The following FAXC variants were observed in gnomAD, a reference collection of about 807,000 sequenced individuals.
The protein encoded by FAXC is failed axon connections homolog, metaxin like GST domain containing, also known as failed axon connections homolog.
A neutral mutation model predicts 41.9 loss-of-function variants in FAXC; 10 were observed. The ratio of observed to expected loss-of-function variants is 0.24; its 90% CI spans 0.15 to 0.41. The LOEUF (loss-of-function observed/expected upper bound fraction) is 0.41. Among genes scored for constraint, FAXC ranks in the 10% least tolerant of loss-of-function variants. FAXC has a pLI of 1.00. For missense variants in FAXC, 399 were observed against 510.9 expected (o/e 0.78, Z 2.11); for synonymous variants, 183 against 183.8 (o/e 1.00, Z 0.03).
In FAXC at chr6:99,323,772, C is replaced by A. The variant is rs575051669; in HGVS notation, c.600-105G>T. 34 of 801,696 alleles carry A rather than the reference C, an allele frequency of 4.2e-5. No individual in the cohort carries two copies. The East Asian group carries it at 8.7e-4, about 21-fold the overall frequency. 49.7% of individuals were successfully genotyped at this position (801,696 alleles called of 1,614,324 possible). On this transcript the variant is annotated intron_variant, in intron 3 of 5. Coordinates refer to ENST00000389677, the MANE Select transcript of FAXC (RefSeq NM_032511.4). ...CAGAATTTACTACACTCTGGAGGAA[C>A]TGAATAACTGCAGCTTTAATAAAGA...
intron 3 of FAXC, among the ~76,000 whole-genome samples, chr6:99,327,043 T>C (rs926329992): frequency 1.3e-5 from 2 of 152,148 alleles, no homozygotes; most frequent in African/African-American, 4.8e-5. Flanking sequence ...ACTGGCTTGA[T>C]TCAGAATTTC....
intron 3 of FAXC, among the ~76,000 whole-genome samples, chr6:99,327,071 C>A (rs1772839224): frequency 6.6e-6 from 1 of 152,186 alleles, no homozygotes; most frequent in Non-Finnish European, 1.5e-5. Context: ...GAAGTAACCT[C>A]AGAAACTGTT....
Position 99,281,405 on chromosome 6 carries a change from A to C in FAXC, c.989T>G (p.Phe330Cys), listed in dbSNP as rs1770832468. Residue 330 changes from phenylalanine to cysteine, a missense_variant, in exon 6 of 6, where the codon TTT (phenylalanine) becomes TGT (cysteine). Around this residue, in one of 3 missense-constraint regions of FAXC, gnomAD observed 239 missense variants for 352.7 expected, o/e 0.68. Transcript: ENST00000389677. ...ATCATCGTGGTGCCACTCTGGCCAAAATTTCCTCCTTATCCTCTCACAGTA... is the reference window on the plus strand; with the variant it reads ...ATCATCGTGGTGCCACTCTGGCCAACATTTCCTCCTTATCCTCTCACAGTA... ...AMYCERIRRK[F>C]WPEWHHDDDN... 1 of 1,613,950 alleles carries C rather than the reference A, an allele frequency of 6.2e-7. No homozygotes were observed. Among genetic ancestry groups the C allele is most frequent in the African/African-American group, 1.3e-5 (1 of 74,886 alleles).
intron 2 of FAXC, among the ~76,000 whole-genome samples, chr6:99,337,634 T>C (rs570707039): frequency 6.6e-5 from 10 of 152,364 alleles, no homozygotes; most frequent in Non-Finnish European, 1.5e-4. Flanking sequence ...TTTGTGTTTT[T>C]TAAAAAATTA....
intron 2 of FAXC, among the ~76,000 whole-genome samples, chr6:99,338,759 T>C (rs892491239): frequency 1.3e-5 from 2 of 152,188 alleles, no homozygotes; most frequent in African/African-American, 4.8e-5. Context: ...ATCTTTCAAA[T>C]ATGAGCCAAT....
intron 3 of FAXC, among the ~76,000 whole-genome samples, chr6:99,331,339 T>A (rs1773016968): frequency 6.6e-6 from 1 of 152,082 alleles, no homozygotes; most frequent in Non-Finnish European, 1.5e-5. Context: ...AAAATTAAGA[T>A]CTTTTCCCAC....
At chr6:99,317,946 G>A (rs1168370095) in intron 4 of FAXC, among the ~76,000 whole-genome samples, 1 of 129,936 alleles carries the variant, frequency 7.7e-6, no homozygotes, top group African/African-American at 2.6e-5. Flanking sequence ...ACAGCACACA[G>A]AATCACATGG....
intron 4 of FAXC, among the ~76,000 whole-genome samples, chr6:99,321,359 G>A (rs1772581200): frequency 6.6e-6 from 1 of 152,084 alleles, no homozygotes; most frequent in Non-Finnish European, 1.5e-5. Flanking sequence ...TAGGCATCTG[G>A]GCATCAAAAA....
At chr6:99,314,016 G>A (rs1772242803) in intron 4 of FAXC, among the ~76,000 whole-genome samples, 1 of 152,028 alleles carries the variant, frequency 6.6e-6, no homozygotes, top group Non-Finnish European at 1.5e-5. Flanking sequence ...CAGAAATGAG[G>A]TTTTGCTATG....
chr6:99,329,939 C>T (rs544590290), intron 3 of FAXC, among the ~76,000 whole-genome samples: 1 of 151,592 alleles, frequency 6.6e-6, no homozygotes, highest in South Asian at 2.1e-4. Context: ...CACTCTGTCG[C>T]CCAGGATGTA....
chr6:99,282,348 T>G (rs1429469246), intron 5 of FAXC, among the ~76,000 whole-genome samples: 1 of 152,154 alleles, frequency 6.6e-6, no homozygotes, highest in African/African-American at 2.4e-5. Context: ...AAAGTTATGT[T>G]AGGACATAAA....
At position 99,290,060 on chromosome 6, in the gene FAXC, A is replaced by G. The variant is rs187551998; in HGVS notation, c.940+1644T>C. Reference sequence around the variant, plus strand: ...TTGAACAATCATAAGTCAAACAATGATAAGTCAGGAACCATCTGTATATCC... The same window carrying G: ...TTGAACAATCATAAGTCAAACAATGGTAAGTCAGGAACCATCTGTATATCC... On this transcript the variant is annotated intron_variant, in intron 5 of 5. Coordinates refer to ENST00000389677, the MANE Select transcript of FAXC (RefSeq NM_032511.4). Among the ~76,000 whole-genome samples the G allele has an allele frequency of 2.1e-3, 315 of 151,542 alleles. 5 individuals are homozygous for G. Among genetic ancestry groups the G allele is most frequent in the Admixed American group, 0.019 (289 of 15,184 alleles).
At chr6:99,343,116 G>A in intron 1 of FAXC, 83 bp from the exon 2 acceptor site, 1 of 1,245,350 alleles carries the variant, frequency 8.0e-7, no homozygotes, top group Non-Finnish European at 1.1e-6. Flanking sequence ...GACCCTGCAG[G>A]GTTGTAGCTC....
At chr6:99,289,717 GTGTA>G (rs1313883794) in intron 5 of FAXC, among the ~76,000 whole-genome samples, 130 of 124,978 alleles carry the variant, frequency 1.0e-3, no homozygotes, top group East Asian at 1.6e-3. Context: ...GTGTGTGTGT[GTGTA>G]TATATATATA....
chr6:99,338,529 G>C (rs1484798745), intron 2 of FAXC, among the ~76,000 whole-genome samples: 1 of 152,200 alleles, frequency 6.6e-6, no homozygotes, highest in Non-Finnish European at 1.5e-5. Flanking sequence ...AGGTGGGGGA[G>C]CACAAAAGTT....
intron 4 of FAXC, among the ~76,000 whole-genome samples, chr6:99,312,010 C>T (rs1883656): frequency 0.74 from 112,322 of 152,148 alleles, 42,000 homozygotes; most frequent in Middle Eastern, 0.92. Context: ...TTTTTCCCCA[C>T]TAACTACTCC....
chr6:99,310,385 T>C (rs1397716777), intron 4 of FAXC, among the ~76,000 whole-genome samples: 3 of 152,204 alleles, frequency 2.0e-5, no homozygotes, highest in Non-Finnish European at 4.4e-5. Flanking sequence ...TTGAATTACC[T>C]GGTGAGTTTT....
chr6:99,335,243 T>C (rs1221409260), intron 2 of FAXC, among the ~76,000 whole-genome samples: 1 of 152,226 alleles, frequency 6.6e-6, no homozygotes, highest in Non-Finnish European at 1.5e-5. Flanking sequence ...TAATAAAAAT[T>C]GTAGAAAGTA....
Position 99,281,360 on chromosome 6 carries a change from G to A in FAXC, c.1034C>T (p.Ser345Phe), listed in dbSNP as rs759645529. 4.3e-6 allele frequency: 7 copies of A among 1,614,070 alleles called. No homozygotes were observed. The highest frequency in any genetic ancestry group is 5.1e-6 in the Non-Finnish European group (6 of 1,180,034). The change falls in exon 6 of 6, where the codon TCT (serine) becomes TTT (phenylalanine). Residue 345 changes from serine (S) to phenylalanine (F), a missense_variant. This residue lies in a region of FAXC where 92 missense variants were observed against 94.9 expected (regional missense o/e 0.97). Coordinates refer to ENST00000389677, the MANE Select transcript of FAXC (RefSeq NM_032511.4). ...HHDDDNTIYESEESSEGSKTH... is the reference protein window; with the variant it reads ...HHDDDNTIYEFEESSEGSKTH... ...TTTGCTGCCTTCGCTGCTCTCCTCAGACTCATAGATGGTATTGTCATCATC... is the reference window on the plus strand; with the variant it reads ...TTTGCTGCCTTCGCTGCTCTCCTCAAACTCATAGATGGTATTGTCATCATC...
Sources: allele counts gnomAD v4.1 joint callset (sites outside exome capture counted in the v4.1 genomes callset), GRCh38; gene constraint gnomAD v4.1.1; regional missense constraint gnomAD v4.1.1; transcripts MANE v1.5; gene names NCBI Gene and HGNC (gene_info 2026-07-23, HGNC 2026-07-21).